Variants in EPHA8 observed in about 807,000 individuals in gnomAD.
EPHA8 encodes the protein EPH receptor A8, also known as ephrin type-A receptor 8.
A neutral mutation model predicts 103.6 loss-of-function variants in EPHA8; 58 were observed. That is an observed-to-expected ratio of 0.56 (90% confidence interval 0.45 to 0.70). EPHA8 has a LOEUF of 0.70. Among genes scored for constraint, EPHA8 ranks in the 30% least tolerant of loss-of-function variants. The probability of loss-of-function intolerance (pLI) is 0.00; values close to 1 mark genes in which losing one functional copy is unlikely to be tolerated. For synonymous variants in EPHA8, 559 were observed against 572.5 expected (o/e 0.98, Z 0.34); for missense variants, 1,304 against 1,395.2 (o/e 0.93, Z 1.04).
intron 16 of EPHA8, 49 bp from the exon 17 acceptor site, chr1:22,601,578 G>T (rs765213676): frequency 1.3e-6 from 2 of 1,583,408 alleles, no homozygotes; most frequent in Non-Finnish European, 1.7e-6. Context: ...TGCGTGCGCG[G>T]CTCCCAGCCT....
chr1:22,586,264 G>A (rs1308610342), intron 3 of EPHA8, among the ~76,000 whole-genome samples: 1 of 152,120 alleles, frequency 6.6e-6, no homozygotes, highest in Non-Finnish European at 1.5e-5. Flanking sequence ...CCTCAGCTCT[G>A]CCCTGACTGG....
intron 3 of EPHA8, among the ~76,000 whole-genome samples, chr1:22,585,244 G>A (rs1449789648): frequency 6.6e-6 from 1 of 152,136 alleles, no homozygotes; most frequent in African/African-American, 2.4e-5. Context: ...TGGGGGTGAG[G>A]GGCAGCACTA....
chr1:22,588,018 A>G (rs150419090), intron 4 of EPHA8, among the ~76,000 whole-genome samples: 26 of 152,330 alleles, frequency 1.7e-4, no homozygotes, highest in African/African-American at 6.3e-4. Flanking sequence ...CCAAACCCAC[A>G]GTTCAGTGCC....
At chr1:22,564,630 G>T (rs1375407605) in intron 1 of EPHA8, among the ~76,000 whole-genome samples, 1 of 152,044 alleles carries the variant, frequency 6.6e-6, no homozygotes, top group African/African-American at 2.4e-5. Context: ...CACAAGAAGA[G>T]CTGAGAGGGA....
chr1:22,570,634 C>T (rs867358952), intron 2 of EPHA8, among the ~76,000 whole-genome samples: 1 of 152,214 alleles, frequency 6.6e-6, no homozygotes, highest in African/African-American at 2.4e-5. Flanking sequence ...GGCCCCACTT[C>T]TCTCTCTCTG....
chr1:22,588,623 T>C (rs923806142), intron 4 of EPHA8, among the ~76,000 whole-genome samples: 1 of 63,784 alleles, frequency 1.6e-5, no homozygotes, highest in Non-Finnish European at 3.1e-5. Context: ...GTGGTCCTGA[T>C]GGGTGGGGGG....
rs209751 is a variant in EPHA8 at position 22,567,415 on chromosome 1, C to G, written c.95-1874C>G. On this transcript the variant is annotated intron_variant, in intron 1 of 16. Coordinates refer to ENST00000166244, the MANE Select transcript of EPHA8 (RefSeq NM_020526.5). This position sits in a 1 kb window ranked among gnomAD's most constrained non-coding sequence, Gnocchi z 4.2. ...CTACATTGCCTGAGAGGGAGGGAGGCAGGCGGGAAGCCTTCTCTCTGCCTC... is the reference window on the plus strand; with the variant it reads ...CTACATTGCCTGAGAGGGAGGGAGGGAGGCGGGAAGCCTTCTCTCTGCCTC... Among the ~76,000 whole-genome samples, 37,578 of 151,958 alleles carry G rather than the reference C, an allele frequency of 0.25. 6,637 individuals are homozygous for G. Among genetic ancestry groups the G allele is most frequent in the African/African-American group, 0.51 (21,221 of 41,396 alleles).
rs1407073619 is a variant in EPHA8 at position 22,567,593 on chromosome 1, C to T, written c.95-1696C>T. On this transcript the variant is annotated intron_variant, in intron 1 of 16. Coordinates refer to ENST00000166244, the MANE Select transcript of EPHA8 (RefSeq NM_020526.5). This position sits in a 1 kb window ranked among gnomAD's most constrained non-coding sequence, Gnocchi z 4.2. ...CTAGTTCTGCCAGCCTCACTCCAGCCGGCCTCCTTCAGGGTCCCTGACGGT... is the reference window on the plus strand; with the variant it reads ...CTAGTTCTGCCAGCCTCACTCCAGCTGGCCTCCTTCAGGGTCCCTGACGGT... 2.0e-5 allele frequency among the ~76,000 whole-genome samples: 3 copies of T among 152,044 alleles called. No homozygotes were observed. The highest frequency in any genetic ancestry group is 6.5e-5 in the Admixed American group (1 of 15,286).
In EPHA8 at chr1:22,599,037, A is replaced by G; in HGVS notation, c.2378A>G (p.Tyr793Cys). Residue 793 changes from tyrosine to cysteine, a missense_variant, in exon 13 of 17, where the codon TAC becomes TGC. Coordinates refer to ENST00000166244, the MANE Select transcript of EPHA8 (RefSeq NM_020526.5). ...CTGGAGGACGACCCGGATGCTGCCT[A>G]CACCACCACGGTGCGTCGCCCACAC... Reference protein sequence around the residue: ...RVLEDDPDAAYTTTGGKIPIR... With the variant: ...RVLEDDPDAACTTTGGKIPIR... The G allele has an allele frequency of 1.2e-6, 2 of 1,604,570 alleles. No homozygotes were observed. The highest frequency in any genetic ancestry group is 1.7e-6 in the Non-Finnish European group (2 of 1,176,276).
intron 1 of EPHA8, among the ~76,000 whole-genome samples, chr1:22,568,353 G>A (rs1331878054): frequency 6.6e-6 from 1 of 152,182 alleles, no homozygotes; most frequent in African/African-American, 2.4e-5. Context: ...GAGTGACTTT[G>A]CCCTTTGGAC....
rs746375082 is a variant in EPHA8, at chr1:22,576,844, A to G, written c.787A>G (p.Ser263Gly). The G allele has an allele frequency of 1.2e-6, 2 of 1,604,522 alleles. No homozygotes were observed. The highest frequency in any genetic ancestry group is 8.5e-7 in the Non-Finnish European group (1 of 1,174,202). ...WLVPIGKCVC[S>G]AGYEERRDAC... ...CGTGCCCATCGGCAAATGCGTGTGC[A>G]GTGCCGGCTACGAGGAGCGGCGGGA... The change falls in exon 3 of 17, where the codon AGT becomes GGT. Residue 263 changes from serine to glycine, a missense_variant. Ser to Gly is a moderately conservative substitution (Grantham distance 56). Coordinates refer to ENST00000166244, the MANE Select transcript of EPHA8 (RefSeq NM_020526.5). The surrounding 1 kb of genome is among the most constrained non-coding windows in gnomAD (Gnocchi z 4.8).
rs536438160 is a variant in EPHA8 at position 22,571,186 on chromosome 1, CAGGT to C, written c.159+1834_159+1837del. ...TTTTGGACGCTCACACTGGCAGTCT[CAGGT>C]GGGTTTTCATGCGGGGCGCTATAAT... On this transcript the variant is annotated intron_variant, in intron 2 of 16. Transcript: ENST00000166244. Among the ~76,000 whole-genome samples, 421 of 152,328 alleles carry C rather than the reference CAGGT, an allele frequency of 2.8e-3. 3 individuals are homozygous for C. Among genetic ancestry groups the C allele is most frequent in the African/African-American group, 9.7e-3 (402 of 41,560 alleles).
At chr1:22,586,747 G>T in intron 4 of EPHA8, 112 bp downstream of exon 4, 1 of 1,414,036 alleles carries the variant, frequency 7.1e-7, no homozygotes, top group Non-Finnish European at 9.6e-7. Flanking sequence ...GGCAGGGGCG[G>T]GTGGCTCTCT....
chr1:22,590,127 G>C (rs114043206), intron 5 of EPHA8, among the ~76,000 whole-genome samples: 3 of 152,078 alleles, frequency 2.0e-5, no homozygotes, highest in Non-Finnish European at 2.9e-5. Flanking sequence ...GACAGCCCTC[G>C]TGGAACACCC....
chr1:22,593,208 A>C, intron 5 of EPHA8, 118 bp from the exon 6 acceptor site: 1 of 1,426,058 alleles, frequency 7.0e-7, no homozygotes, highest in East Asian at 2.5e-5. Context: ...CTGGGGCAGG[A>C]CCATCAGGAA....
Position 22,599,119 on chromosome 1 carries a change from C to A in EPHA8, c.2388+72C>A, listed in dbSNP as rs564724849. ...GGCGCCGGTGGCACCCAGGGCCCAA[C>A]CATTCTGCAAGTAGCTGAATGAAGT... On this transcript the variant is annotated intron_variant, in intron 13 of 16. Transcript: ENST00000166244. 2.0e-6 allele frequency: 3 copies of A among 1,495,010 alleles called. No individual in the cohort carries two copies. The South Asian group carries it at 3.7e-5, about 18-fold the overall frequency. 92.6% of individuals were successfully genotyped at this position (1,495,010 alleles called of 1,614,324 possible).
chr1:22,595,985 A>G, intron 8 of EPHA8, 121 bp from the exon 9 acceptor site: 1 of 829,336 alleles, frequency 1.2e-6, no homozygotes, highest in Admixed American at 2.2e-5. Flanking sequence ...TGTAAGGAGC[A>G]GGAGCTGACC....
intron 15 of EPHA8, 80 bp from the exon 16 acceptor site, chr1:22,601,220 A>G (rs966166941): frequency 7.8e-6 from 12 of 1,538,664 alleles, no homozygotes; most frequent in Non-Finnish European, 9.6e-6. Context: ...GCCCTGCCGA[A>G]CCCCTTCCTC....
rs750778187 is a variant in EPHA8, at chr1:22,595,545, A to G, written c.1697+222A>G. ...TCAGAGAGGTTAGTCTTCTTGCCAG[A>G]ATCACACAGCTGATAAATGCCAGAG... On this transcript the variant is annotated intron_variant, in intron 8 of 16. Coordinates refer to ENST00000166244, the MANE Select transcript of EPHA8 (RefSeq NM_020526.5). Among the ~76,000 whole-genome samples the G allele has an allele frequency of 2.0e-5, 3 of 152,190 alleles. No individual in the cohort carries two copies. In the South Asian group the frequency reaches 6.2e-4, roughly 32 times the overall value.
Sources: allele counts gnomAD v4.1 joint callset (sites outside exome capture counted in the v4.1 genomes callset), GRCh38; gene constraint gnomAD v4.1.1; non-coding constraint Gnocchi (gnomAD v3.1); transcripts MANE v1.5; gene names NCBI Gene and HGNC (gene_info 2026-07-23, HGNC 2026-07-21).